The following SLCO5A1 variants were observed in gnomAD, a reference collection of about 807,000 sequenced individuals.
SLCO5A1 encodes the protein solute carrier organic anion transporter family member 5A1.
Under a neutral mutation model 65.1 loss-of-function variants are expected in SLCO5A1, and 39 were observed. The observed-to-expected ratio is 0.60, with a 90% CI of 0.46 to 0.78. The LOEUF is 0.78. Among genes scored for constraint, SLCO5A1 ranks in the 30% least tolerant of loss-of-function variants. The pLI is 0.00. For missense variants in SLCO5A1, 1,029 were observed against 1,069.4 expected (o/e 0.96, Z 0.53); for synonymous variants, 438 against 415.7 (o/e 1.05, Z -0.65).
At chr8:69,686,452 C>T (rs76802888) in intron 6 of SLCO5A1, among the ~76,000 whole-genome samples, 2,802 of 152,200 alleles carry the variant, frequency 0.018, 39 homozygotes, top group Non-Finnish European at 0.024. Flanking sequence ...TTATTATCAT[C>T]GTCATAATCA....
rs374423049 is a variant in SLCO5A1, at chr8:69,705,033, T to C, written c.1620A>G (p.Thr540=). 3.1e-6 allele frequency: 5 copies of C among 1,610,736 alleles called. No homozygotes were observed. The highest frequency in any genetic ancestry group is 1.3e-5 in the African/African-American group (1 of 74,932). ...NLGGINIPYT[T]GPSLTMPHRN... ...CACGGCTCTTAAGAGGTACTTACCC[T>C]GTTGTATAAGGGATGTTTATGCCCC... Residue 540 remains threonine, a splice_region_variant and synonymous_variant, in exon 6 of 10, where the codon ACA becomes ACG. Transcript: ENST00000260126.
intron 5 of SLCO5A1, among the ~76,000 whole-genome samples, chr8:69,707,755 A>G (rs948974209): frequency 6.6e-6 from 1 of 152,200 alleles, no homozygotes; most frequent in African/African-American, 2.4e-5. Context: ...GGGCCCCACA[A>G]AGATGGCCCA....
chr8:69,712,589 T>C (rs575845565), intron 5 of SLCO5A1, among the ~76,000 whole-genome samples: 2 of 152,324 alleles, frequency 1.3e-5, no homozygotes, highest in South Asian at 2.1e-4. Flanking sequence ...GGAGCTTCAA[T>C]TGTGCTATTG....
chr8:69,675,501 A>C lies in SLCO5A1; in HGVS notation c.2089+1108T>G, dbSNP rs150109763. 2.3e-3 allele frequency among the ~76,000 whole-genome samples: 344 copies of C among 152,262 alleles called. 1 individual carries two copies. Among genetic ancestry groups the C allele is most frequent in the Non-Finnish European group, 3.2e-3 (221 of 68,022 alleles). On this transcript the variant is annotated intron_variant, in intron 9 of 9. Coordinates refer to ENST00000260126, the MANE Select transcript of SLCO5A1 (RefSeq NM_030958.3). The stretch of plus-strand genomic sequence containing the variant: ...TAAGGCAGACTTCTTCACTATATCT[A>C]AGTGTGTCAGGATTTCCTTTAAACA...
chr8:69,800,991 T>C (rs1176406691), intron 2 of SLCO5A1, among the ~76,000 whole-genome samples: 1 of 152,142 alleles, frequency 6.6e-6, no homozygotes, highest in Non-Finnish European at 1.5e-5. Flanking sequence ...TGTGAACAGA[T>C]AATAATGGAA....
intron 2 of SLCO5A1, among the ~76,000 whole-genome samples, chr8:69,784,719 C>G (rs1818933717): frequency 6.7e-6 from 1 of 150,220 alleles, no homozygotes; most frequent in Admixed American, 6.7e-5. Context: ...AACTGGCAGG[C>G]AGAGGCTACA....
intron 2 of SLCO5A1, among the ~76,000 whole-genome samples, chr8:69,810,401 C>T (rs116159330): frequency 0.019 from 2,897 of 152,202 alleles, 98 homozygotes; most frequent in African/African-American, 0.067. Context: ...ATTATCATAG[C>T]CTGAGGCCTA....
chr8:69,823,574 C>A (rs1315248635), intron 2 of SLCO5A1, among the ~76,000 whole-genome samples: 3 of 152,194 alleles, frequency 2.0e-5, no homozygotes, highest in African/African-American at 7.2e-5. Flanking sequence ...AAGAAGAGCT[C>A]ACTATCCTAA....
At chr8:69,750,721 C>T (rs1188233400) in intron 4 of SLCO5A1, among the ~76,000 whole-genome samples, 7 of 152,166 alleles carry the variant, frequency 4.6e-5, no homozygotes. Context: ...TTCCTGATCC[C>T]TCAACTGGAT....
intron 5 of SLCO5A1, among the ~76,000 whole-genome samples, chr8:69,732,508 GA>G (rs934790637): frequency 1.3e-5 from 2 of 152,020 alleles, no homozygotes; most frequent in Admixed American, 6.6e-5. Context: ...TGGAAATAGT[GA>G]AAAAAATAAA....
chr8:69,803,840 A>G (rs931638649), intron 2 of SLCO5A1, among the ~76,000 whole-genome samples: 5 of 152,044 alleles, frequency 3.3e-5, no homozygotes, highest in Admixed American at 3.3e-4. Context: ...GAAAAATTAC[A>G]CTGAAGCCAG....
intron 3 of SLCO5A1, among the ~76,000 whole-genome samples, chr8:69,759,208 A>C (rs904917143): frequency 6.6e-6 from 1 of 152,196 alleles, no homozygotes; most frequent in Non-Finnish European, 1.5e-5. Flanking sequence ...CATCGTATAA[A>C]ATAACATTGC....
intron 4 of SLCO5A1, among the ~76,000 whole-genome samples, chr8:69,749,630 AAAAG>A (rs1409109197): frequency 6.6e-6 from 1 of 152,000 alleles, no homozygotes; most frequent in Non-Finnish European, 1.5e-5. Flanking sequence ...TCTCAAAAAA[AAAAG>A]AAAAAGAAAA....
intron 3 of SLCO5A1, chr8:69,761,491 A>G (rs1273734424): frequency 4.8e-6 from 2 of 413,958 alleles, no homozygotes; most frequent in African/African-American, 4.2e-5. Context: ...CACCCAGGTC[A>G]TCTAAAATAA....
chr8:69,706,240 G>A lies in SLCO5A1; in HGVS notation c.1424-1011C>T, dbSNP rs116713041. Among the ~76,000 whole-genome samples, 760 of 152,286 alleles carry A rather than the reference G, an allele frequency of 5.0e-3. 6 individuals are homozygous for A. The highest frequency in any genetic ancestry group is 0.017 in the African/African-American group (727 of 41,552). On this transcript the variant is annotated intron_variant, in intron 5 of 9. Transcript: ENST00000260126. ...GTTCAACAACTTATAAAACTAAACA[G>A]CATTGTCTGGGAATGCACAAACAGG...
chr8:69,742,378 A>G (rs1048248533), intron 4 of SLCO5A1, among the ~76,000 whole-genome samples: 5 of 152,192 alleles, frequency 3.3e-5, no homozygotes, highest in Non-Finnish European at 7.4e-5. Context: ...AGTAAAAAGC[A>G]TGATGAAGGA....
At chr8:69,772,653 G>A (rs953201473) in intron 2 of SLCO5A1, among the ~76,000 whole-genome samples, 116 of 145,972 alleles carry the variant, frequency 7.9e-4, no homozygotes, top group African/African-American at 2.7e-3. Flanking sequence ...GGAAAGGAAA[G>A]GAAAAGAAAT....
chr8:69,687,613 A>T (rs1232323631), intron 6 of SLCO5A1, among the ~76,000 whole-genome samples: 7 of 152,136 alleles, frequency 4.6e-5, no homozygotes, highest in African/African-American at 1.4e-4. Context: ...GAAATTTTTT[A>T]AAATACACAA....
intron 2 of SLCO5A1, among the ~76,000 whole-genome samples, chr8:69,775,440 G>T (rs977060112): frequency 1.3e-5 from 2 of 152,092 alleles, no homozygotes; most frequent in African/African-American, 4.8e-5. Flanking sequence ...TTGTGCACAT[G>T]TACCCTAGAA....
Sources: gnomAD v4.1 joint callset for allele counts (sites outside exome capture counted in the v4.1 genomes callset) on GRCh38, gnomAD v4.1.1 for gene constraint, MANE v1.5 for transcripts, NCBI Gene and HGNC (gene_info 2026-07-23, HGNC 2026-07-21) for gene names.